The following RERE variants were observed in gnomAD, a reference collection of about 807,000 sequenced individuals.
RERE encodes the protein arginine-glutamic acid dipeptide repeats protein.
A neutral mutation model predicts 146.1 loss-of-function variants in RERE; 40 were observed. The observed-to-expected ratio is 0.27, with a 90% CI of 0.21 to 0.36. The LOEUF (loss-of-function observed/expected upper bound fraction) is 0.36, where lower values mean the gene tolerates loss of function less well. RERE is among the 10% of genes least tolerant of loss of function. The pLI is 1.00. For missense variants in RERE, 1,933 were observed against 2,138.7 expected (o/e 0.90, Z 1.90); for synonymous variants, 1,003 against 866.0 (o/e 1.16, Z -2.78).
At chr1:8,574,360 T>C (rs1646262483) in intron 4 of RERE, among the ~76,000 whole-genome samples, 1 of 147,870 alleles carries the variant, frequency 6.8e-6, no homozygotes. Context: ...TTTTTTTTTT[T>C]TTGAGACGCA....
chr1:8,411,062 T>C (rs1161683313), intron 12 of RERE, among the ~76,000 whole-genome samples: 4 of 152,204 alleles, frequency 2.6e-5, no homozygotes, highest in Non-Finnish European at 5.9e-5. Flanking sequence ...ATGTAGCATT[T>C]GGAGAAATAA....
In RERE at chr1:8,792,517, C is replaced by T. The variant is rs372134024; in HGVS notation, c.-145+24643G>A. 110 of 152,368 alleles carry T rather than the reference C, an allele frequency of 7.2e-4. 1 individual carries two copies. In the East Asian group the frequency reaches 7.3e-3, roughly 10 times the overall value. 9.4% of individuals were successfully genotyped at this position (152,368 alleles called of 1,614,324 possible). A position where few individuals can be genotyped will look rare whatever the true frequency, so the allele number is the denominator to read the frequency against. On this transcript the variant is annotated intron_variant, in intron 1 of 22. Coordinates refer to ENST00000400908, the MANE Select transcript of RERE (RefSeq NM_001042681.2). ...GGCTGAAGCTCTCCACAAATCTTCT[C>T]TGTAAGTGGATCCCACGGTGGTTGT...
chr1:8,816,912 A>G (rs1270812943), intron 1 of RERE, among the ~76,000 whole-genome samples: 1 of 152,166 alleles, frequency 6.6e-6, no homozygotes, highest in Admixed American at 6.5e-5. Context: ...GTAGAACAAG[A>G]GCATGAATAA....
chr1:8,736,212 T>C (rs923610522), intron 1 of RERE, among the ~76,000 whole-genome samples: 3 of 151,760 alleles, frequency 2.0e-5, no homozygotes, highest in African/African-American at 2.4e-5. Context: ...TTTGTTTGTT[T>C]GTTTGTTTTT....
At chr1:8,502,351 CCCGCCCGGCCAG>C (rs1366577300) in intron 8 of RERE, among the ~76,000 whole-genome samples, 2 of 117,800 alleles carry the variant, frequency 1.7e-5, no homozygotes, top group Non-Finnish European at 3.6e-5. Flanking sequence ...GGGTCAGCCC[CCCGCCCGGCCAG>C]CCGCCCTATC....
At chr1:8,814,577 T>C (rs1333219687) in intron 1 of RERE, among the ~76,000 whole-genome samples, 4 of 152,200 alleles carry the variant, frequency 2.6e-5, no homozygotes, top group African/African-American at 9.6e-5. Context: ...ATTGCCGATT[T>C]TAGTGAGATT....
intron 2 of RERE, among the ~76,000 whole-genome samples, chr1:8,649,796 T>C (rs1201578169): frequency 6.6e-6 from 1 of 151,802 alleles, no homozygotes; most frequent in Non-Finnish European, 1.5e-5. Context: ...TGTCAGTAGA[T>C]GGCAGGAATT....
intron 4 of RERE, among the ~76,000 whole-genome samples, chr1:8,585,958 TC>T (rs1646422846): frequency 1.3e-5 from 2 of 152,164 alleles, no homozygotes; most frequent in African/African-American, 4.8e-5. Context: ...ATTATACACT[TC>T]CTGATAAAAA....
chr1:8,385,993 A>AAAAAAATAT (rs1553159741), intron 12 of RERE, among the ~76,000 whole-genome samples: 1 of 26,482 alleles, frequency 3.8e-5, no homozygotes, highest in Non-Finnish European at 7.1e-5. Context: ...AAAAAAAAAA[A>AAAAAAATAT]ATATATATAT....
chr1:8,605,161 G>T (rs191738637), intron 4 of RERE, among the ~76,000 whole-genome samples: 1 of 151,972 alleles, frequency 6.6e-6, no homozygotes, highest in South Asian at 2.1e-4. Flanking sequence ...CCCGCAAGAC[G>T]GAGTCTCGCT....
chr1:8,625,688 G>T (rs1449512697), intron 2 of RERE, among the ~76,000 whole-genome samples: 2 of 152,098 alleles, frequency 1.3e-5, no homozygotes, highest in African/African-American at 2.4e-5. Flanking sequence ...GACAACACTG[G>T]CAACTTCCTC....
chr1:8,462,801 G>A (rs940881402), intron 11 of RERE, among the ~76,000 whole-genome samples: 4 of 152,160 alleles, frequency 2.6e-5, no homozygotes, highest in African/African-American at 7.2e-5. Flanking sequence ...GCTGCTCAGA[G>A]GCTGATGTGG....
intron 12 of RERE, among the ~76,000 whole-genome samples, chr1:8,411,717 G>A (rs1643620480): frequency 6.6e-6 from 1 of 152,122 alleles, no homozygotes. Flanking sequence ...ATAGTTTTAA[G>A]CCAGTAAATT....
intron 7 of RERE, among the ~76,000 whole-genome samples, chr1:8,514,573 C>T (rs994483745): frequency 1.3e-5 from 2 of 151,962 alleles, no homozygotes; most frequent in South Asian, 2.1e-4. Context: ...CTACTAAAAA[C>T]ACAAAATTAG....
intron 4 of RERE, among the ~76,000 whole-genome samples, chr1:8,599,824 G>A (rs1006196269): frequency 1.3e-5 from 2 of 152,162 alleles, no homozygotes; most frequent in Non-Finnish European, 1.5e-5. Context: ...TTTAATCACA[G>A]AGCCTTTTCT....
intron 2 of RERE, among the ~76,000 whole-genome samples, chr1:8,639,892 A>G (rs2124279794): frequency 6.6e-6 from 1 of 152,342 alleles, no homozygotes; most frequent in African/African-American, 2.4e-5. Context: ...TAAAGTCTAA[A>G]AACTAAATAC....
At chr1:8,717,738 T>C (rs1483657008) in intron 1 of RERE, among the ~76,000 whole-genome samples, 2 of 152,190 alleles carry the variant, frequency 1.3e-5, no homozygotes, top group African/African-American at 4.8e-5. Context: ...TTCCCTAAAT[T>C]TCATCAGAGG....
chr1:8,672,986 T>C (rs760982471), intron 1 of RERE, among the ~76,000 whole-genome samples: 18 of 152,200 alleles, frequency 1.2e-4, no homozygotes, highest in Non-Finnish European at 2.4e-4. Context: ...ACAGAATGAC[T>C]AGAATCAGAT....
intron 12 of RERE, among the ~76,000 whole-genome samples, chr1:8,372,074 G>A (rs1286030683): frequency 6.6e-6 from 1 of 152,208 alleles, no homozygotes; most frequent in Non-Finnish European, 1.5e-5. Flanking sequence ...CCTGTGATAA[G>A]CCACATGTCT....
Sources: allele counts gnomAD v4.1 joint callset (sites outside exome capture counted in the v4.1 genomes callset), GRCh38; gene constraint gnomAD v4.1.1; transcripts MANE v1.5; gene names NCBI Gene and HGNC (gene_info 2026-07-23, HGNC 2026-07-21).